EML5: variants seen among roughly 807,000 people sequenced by gnomAD.
EML5 encodes EMAP like 5, also known as echinoderm microtubule-associated protein-like 5.
In EML5, 120 loss-of-function variants were observed where a neutral mutation model predicts 250.0. That is an observed-to-expected ratio of 0.48 (90% CI 0.41 to 0.56). The LOEUF (loss-of-function observed/expected upper bound fraction) is 0.56, where lower values mean the gene tolerates loss of function less well. Among genes scored for constraint, EML5 ranks in the 20% least tolerant of loss-of-function variants. EML5 has a pLI of 0.00. For missense variants in EML5, 2,006 were observed against 2,437.6 expected (o/e 0.82, Z 3.73); for synonymous variants, 771 against 806.5 (o/e 0.96, Z 0.75).
intron 14 of EML5, among the ~76,000 whole-genome samples, chr14:88,701,887 A>G (rs1220291813): frequency 6.6e-6 from 1 of 152,212 alleles, no homozygotes. Context: ...ATAAACTAGT[A>G]AAGTACTTAC....
intron 33 of EML5, among the ~76,000 whole-genome samples, chr14:88,628,842 G>T (rs1421018076): frequency 6.6e-6 from 1 of 152,056 alleles, no homozygotes; most frequent in East Asian, 1.9e-4. Context: ...TTAAACCAGA[G>T]ACTTAGAGTA....
At chr14:88,690,133 C>T (rs1233613371) in intron 17 of EML5, among the ~76,000 whole-genome samples, 3 of 152,044 alleles carry the variant, frequency 2.0e-5, no homozygotes, top group Non-Finnish European at 2.9e-5. Context: ...TAAGTAACAT[C>T]CAGGGAGACA....
chr14:88,792,608 C>T lies in EML5; in HGVS notation c.-105G>A. On this transcript the variant is annotated 5_prime_UTR_variant, in exon 1 of 44. Transcript: ENST00000554922. This position sits in a 1 kb window ranked among gnomAD's most constrained non-coding sequence, Gnocchi z 6.9. ...CCCGCTGGCTGCCGGGACTTCCCGC[C>T]AGCCGCGTCCTCTAAGCCGCGCCCG... 1.7e-6 allele frequency: 2 copies of T among 1,180,546 alleles called. No individual in the cohort carries two copies. Among genetic ancestry groups the T allele is most frequent in the Non-Finnish European group, 2.1e-6 (2 of 955,474 alleles). The allele number at this position is 1,180,546 out of a possible 1,614,324, so 73.1% of individuals were successfully genotyped here. A position where few individuals can be genotyped will look rare whatever the true frequency, so the allele number is the denominator to read the frequency against.
chr14:88,783,078 G>A (rs1252201407), intron 1 of EML5, among the ~76,000 whole-genome samples: 1 of 151,086 alleles, frequency 6.6e-6, no homozygotes, highest in African/African-American at 2.4e-5. Flanking sequence ...GAGACTCCAT[G>A]TCAAAAAAAA....
intron 1 of EML5, among the ~76,000 whole-genome samples, chr14:88,781,433 G>T (rs1212213566): frequency 6.6e-6 from 1 of 152,030 alleles, no homozygotes; most frequent in East Asian, 1.9e-4. Flanking sequence ...ATCCCACCTT[G>T]CACACACCAC....
chr14:88,712,317 A>G lies in EML5; in HGVS notation c.1611T>C (p.Asp537=), dbSNP rs756891505. 6.2e-7 allele frequency: 1 copy of G among 1,612,874 alleles called. No individual in the cohort carries two copies. Among genetic ancestry groups the G allele is most frequent in the Non-Finnish European group, 8.5e-7 (1 of 1,179,370 alleles). Residue 537 remains aspartate (D), a synonymous_variant, in exon 10 of 44, where the codon GAT becomes GAC. Coordinates refer to ENST00000554922, the MANE Select transcript of EML5 (RefSeq NM_183387.3). ...GGAATAATTTTATAATTCCATAGTCATCAGCTGTAACTAAAACTTGGCCAA... is the reference window on the plus strand; with the variant it reads ...GGAATAATTTTATAATTCCATAGTCGTCAGCTGTAACTAAAACTTGGCCAA... ...NYIGQVLVTA[D]DYGIIKLFRY...
rs370973684 is a variant in EML5, at chr14:88,622,745, G to A, written c.4899-27C>T. ...TAAGTAAATAACCAAGCCAGAGTAA[G>A]TGTTCATTATTGGCTACTATAATTT... On this transcript the variant is annotated intron_variant, in intron 36 of 43. Coordinates refer to ENST00000554922, the MANE Select transcript of EML5 (RefSeq NM_183387.3). 1,137 of 1,518,104 alleles carry A rather than the reference G, an allele frequency of 7.5e-4. 19 individuals are homozygous for A. In the South Asian group the frequency reaches 0.013, roughly 18 times the overall value. 94.0% of individuals were successfully genotyped at this position (1,518,104 alleles called of 1,614,324 possible).
chr14:88,741,198 T>A (rs1166156629), intron 4 of EML5, among the ~76,000 whole-genome samples: 1 of 151,306 alleles, frequency 6.6e-6, no homozygotes, highest in Non-Finnish European at 1.5e-5. Context: ...AAGTTGGGAA[T>A]CGGTTAGCAA....
intron 1 of EML5, among the ~76,000 whole-genome samples, chr14:88,758,856 A>T (rs1217764574): frequency 1.5e-4 from 23 of 152,240 alleles, no homozygotes. Flanking sequence ...ACATGCTACA[A>T]CATGGATGAA....
At chr14:88,715,578 T>G (rs2093477967) in intron 8 of EML5, among the ~76,000 whole-genome samples, 1 of 151,868 alleles carries the variant, frequency 6.6e-6, no homozygotes, top group Non-Finnish European at 1.5e-5. Flanking sequence ...TTCAAACAAT[T>G]TTTTTTTGTA....
At chr14:88,667,615 G>A (rs2092341823) in intron 21 of EML5, among the ~76,000 whole-genome samples, 1 of 152,152 alleles carries the variant, frequency 6.6e-6, no homozygotes, top group African/African-American at 2.4e-5. Context: ...GGGCCTCACA[G>A]ACTTTTTTGC....
chr14:88,748,346 A>G (rs2094038786), intron 2 of EML5, among the ~76,000 whole-genome samples: 1 of 152,210 alleles, frequency 6.6e-6, no homozygotes, highest in Non-Finnish European at 1.5e-5. Context: ...CTCAATAACC[A>G]GAATGAAGAT....
chr14:88,663,467 A>G (rs185645799), intron 23 of EML5, among the ~76,000 whole-genome samples: 1,526 of 121,100 alleles, frequency 0.013, 24 homozygotes, highest in African/African-American at 0.047. Flanking sequence ...AGTTGAATAC[A>G]ATATAGTTGA....
chr14:88,780,680 A>G (rs772042902), intron 1 of EML5, among the ~76,000 whole-genome samples: 1 of 152,094 alleles, frequency 6.6e-6, no homozygotes. Context: ...GATTCAGGCA[A>G]TTCTTGTGCC....
intron 24 of EML5, 140 bp from the exon 25 acceptor site, chr14:88,661,970 G>GT: frequency 1.2e-6 from 1 of 815,504 alleles, no homozygotes; most frequent in Non-Finnish European, 1.9e-6. Flanking sequence ...TAAATTATTA[G>GT]TTGTCTTGGT....
intron 13 of EML5, among the ~76,000 whole-genome samples, chr14:88,704,507 A>C (rs1403648270): frequency 6.6e-6 from 1 of 152,232 alleles, no homozygotes; most frequent in Non-Finnish European, 1.5e-5. Context: ...CAGACAGAAA[A>C]AAAGAGACAC....
chr14:88,691,507 G>A (rs2092958222), intron 17 of EML5, among the ~76,000 whole-genome samples: 1 of 152,156 alleles, frequency 6.6e-6, no homozygotes, highest in African/African-American at 2.4e-5. Context: ...GTTACATGAG[G>A]TCATATAATC....
intron 8 of EML5, among the ~76,000 whole-genome samples, chr14:88,723,293 C>A (rs566323376): frequency 3.9e-5 from 6 of 152,098 alleles, no homozygotes; most frequent in Non-Finnish European, 7.3e-5. Flanking sequence ...AAAATCCTGT[C>A]ATTTGCTACC....
intron 24 of EML5, among the ~76,000 whole-genome samples, chr14:88,662,542 CT>C (rs56347693): frequency 2.0e-3 from 245 of 121,668 alleles, no homozygotes; most frequent in East Asian, 0.015. Context: ...TGATTTATTC[CT>C]TTTTTTTTTT....
Sources: allele counts gnomAD v4.1 joint callset (sites outside exome capture counted in the v4.1 genomes callset), GRCh38; gene constraint gnomAD v4.1.1; non-coding constraint Gnocchi (gnomAD v3.1); transcripts MANE v1.5; gene names NCBI Gene and HGNC (gene_info 2026-07-23, HGNC 2026-07-21).